Variants in FREM3 observed in about 807,000 individuals in gnomAD.
The protein encoded by FREM3 is FRAS1-related extracellular matrix protein 3.
FREM3 carries 105 observed loss-of-function variants against 129.1 expected under a neutral mutation model. The ratio of observed to expected loss-of-function variants is 0.81; its 90% confidence interval spans 0.69 to 0.96. The LOEUF is 0.96. FREM3 is among the 40% of genes least tolerant of loss of function. The probability of loss-of-function intolerance (pLI) is 0.00; values close to 1 mark genes in which losing one functional copy is unlikely to be tolerated. For missense variants in FREM3, 2,593 were observed against 2,666.3 expected, an observed-to-expected ratio of 0.97 and a Z score of 0.61; for synonymous variants, 1,014 against 1,044.9, an observed-to-expected ratio of 0.97 and a Z score of 0.57.
intron 7 of FREM3, among the ~76,000 whole-genome samples, chr4:143,580,994 G>A (rs533457022): frequency 6.6e-6 from 1 of 152,266 alleles, no homozygotes; most frequent in Admixed American, 6.5e-5. Flanking sequence ...CACTTCCTTG[G>A]GACAGAGCTC....
At chr4:143,613,796 C>T (rs1738799537) in intron 5 of FREM3, among the ~76,000 whole-genome samples, 1 of 152,174 alleles carries the variant, frequency 6.6e-6, no homozygotes. Context: ...TGCATGTTAA[C>T]TCCTCAGGAC....
In FREM3 at chr4:143,577,386, A is replaced by G. The variant is rs1738057084; in HGVS notation, c.*225T>C. 1 of 512,400 alleles carries G rather than the reference A, an allele frequency of 2.0e-6. No homozygotes were observed. Among genetic ancestry groups the G allele is most frequent in the Non-Finnish European group, 3.4e-6 (1 of 295,326 alleles). 31.7% of individuals were successfully genotyped at this position (512,400 alleles called of 1,614,324 possible). ...ACAAAGTAAAACAAAATAGAAAAAG[A>G]ACATGAACACAGTCTAATTATTTGT... On this transcript the variant is annotated 3_prime_UTR_variant, in exon 8 of 8. Coordinates refer to ENST00000329798, the MANE Select transcript of FREM3 (RefSeq NM_001168235.2).
rs541104636 is a variant in FREM3 at position 143,699,265 on chromosome 4, C to T, written c.1411G>A (p.Ala471Thr). The change falls in exon 1 of 8, where the codon GCT becomes ACT. Residue 471 changes from alanine (A) to threonine (T), a missense_variant. Physicochemically the swap from Ala to Thr is moderately conservative, Grantham distance 58. Coordinates refer to ENST00000329798, the MANE Select transcript of FREM3 (RefSeq NM_001168235.2). This position sits in a 1 kb window ranked among gnomAD's most constrained non-coding sequence, Gnocchi z 4.2. ...CCATGTCTCAAGCCCCTGACTGCAG[C>T]CATTTTCACCTCTTCCAGGTTATCT... The part of the protein sequence containing the change: ...DKDNLEEVKM[A>T]AVRGLRHGQL... 11 of 1,537,292 alleles carry T rather than the reference C, an allele frequency of 7.2e-6. No homozygotes were observed. In the South Asian group the frequency reaches 8.3e-5, roughly 12 times the overall value.
rs371512329 is a variant in FREM3 at position 143,698,598 on chromosome 4, A to G, written c.2078T>C (p.Ile693Thr). 3 of 1,537,676 alleles carry G rather than the reference A, an allele frequency of 2.0e-6. No homozygotes were observed. Among genetic ancestry groups the G allele is most frequent in the Non-Finnish European group, 2.6e-6 (3 of 1,147,032 alleles). ...PNLSKQHIFT[I>T]KVQPVDILSP... is the part of the protein sequence containing the mutation. ...CAGTATATCCACTGGTTGGACCTTG[A>G]TGGTGAAAATGTGCTGTTTGGAGAG... The change falls in exon 1 of 8, where the codon ATC becomes ACC. Residue 693 changes from isoleucine (I) to threonine (T), a missense_variant. Physicochemically the swap from Ile to Thr is moderately conservative, Grantham distance 89. Around this residue, in one of 2 missense-constraint regions of FREM3, gnomAD observed 2,276 missense variants for 2,267.2 expected, o/e 1.00. Coordinates refer to ENST00000329798, the MANE Select transcript of FREM3 (RefSeq NM_001168235.2).
intron 6 of FREM3, among the ~76,000 whole-genome samples, chr4:143,589,337 T>A (rs1393558840): frequency 6.6e-6 from 1 of 152,230 alleles, no homozygotes; most frequent in Non-Finnish European, 1.5e-5. Flanking sequence ...CTGAATGGTA[T>A]TGCCTAGGTT....
chr4:143,636,908 T>C (rs776628744), intron 2 of FREM3, among the ~76,000 whole-genome samples: 10 of 152,180 alleles, frequency 6.6e-5, no homozygotes, highest in Non-Finnish European at 1.5e-4. Context: ...GGAAAAAATT[T>C]TAGTTGACTA....
In FREM3 at chr4:143,577,307, T is replaced by C; in HGVS notation, c.*304A>G. 2 of 450,900 alleles carry C rather than the reference T, an allele frequency of 4.4e-6. No homozygotes were observed. The highest frequency in any genetic ancestry group is 7.8e-6 in the Non-Finnish European group (2 of 257,442). 27.9% of individuals were successfully genotyped at this position (450,900 alleles called of 1,614,324 possible). A position where few individuals can be genotyped will look rare whatever the true frequency, so the allele number is the denominator to read the frequency against. On this transcript the variant is annotated 3_prime_UTR_variant, in exon 8 of 8. Transcript: ENST00000329798. ...AATCAGTAAAGAGAGGTTAATTCTT[T>C]GATCTTAACTTTTGATTTAATTGAT...
chr4:143,679,346 G>A (rs1209076396), intron 2 of FREM3, among the ~76,000 whole-genome samples: 3 of 152,090 alleles, frequency 2.0e-5, no homozygotes, highest in Non-Finnish European at 4.4e-5. Context: ...TTCAATCTTG[G>A]ATGGTGTGAA....
intron 6 of FREM3, among the ~76,000 whole-genome samples, chr4:143,597,531 C>G (rs560978097): frequency 6.6e-6 from 1 of 152,280 alleles, no homozygotes; most frequent in African/African-American, 2.4e-5. Flanking sequence ...TTTCTCAGAA[C>G]TGTTTTGGCT....
At chr4:143,618,719 A>C (rs1738897533) in intron 5 of FREM3, among the ~76,000 whole-genome samples, 1 of 152,184 alleles carries the variant, frequency 6.6e-6, no homozygotes, top group African/African-American at 2.4e-5. Context: ...CATAGTGAGA[A>C]CTTCGTCTCT....
chr4:143,598,748 A>G (rs1335199181), intron 6 of FREM3, among the ~76,000 whole-genome samples: 1 of 152,160 alleles, frequency 6.6e-6, no homozygotes, highest in Non-Finnish European at 1.5e-5. Flanking sequence ...TTTTTATTAT[A>G]CCTTTTCTAT....
chr4:143,656,387 T>C (rs1739601432), intron 2 of FREM3, among the ~76,000 whole-genome samples: 1 of 152,152 alleles, frequency 6.6e-6, no homozygotes, highest in Non-Finnish European at 1.5e-5. Flanking sequence ...CTATTCACAA[T>C]AGCCCCAAAA....
At chr4:143,597,255 A>G (rs1236439786) in intron 6 of FREM3, among the ~76,000 whole-genome samples, 1 of 152,224 alleles carries the variant, frequency 6.6e-6, no homozygotes, top group Non-Finnish European at 1.5e-5. Flanking sequence ...AGTGGTGACA[A>G]TGTCAAACGC....
At chr4:143,588,232 C>G (rs993539151) in intron 6 of FREM3, among the ~76,000 whole-genome samples, 1 of 152,000 alleles carries the variant, frequency 6.6e-6, no homozygotes, top group African/African-American at 2.4e-5. Context: ...TTCTAACATG[C>G]TATCCTGTGT....
rs767099963 is a variant in FREM3 at position 143,700,618 on chromosome 4, C to T, written c.58G>A (p.Ala20Thr). 1 of 1,451,952 alleles carries T rather than the reference C, an allele frequency of 6.9e-7. No individual in the cohort carries two copies. Among genetic ancestry groups the T allele is most frequent in the African/African-American group, 1.4e-5 (1 of 70,008 alleles). 89.9% of individuals were successfully genotyped at this position (1,451,952 alleles called of 1,614,324 possible). The change falls in exon 1 of 8, where the codon GCC becomes ACC. Residue 20 changes from alanine to threonine, a missense_variant. This residue lies in a region of FREM3 where 2,276 missense variants were observed against 2,267.2 expected (regional missense o/e 1.00). Coordinates refer to ENST00000329798, the MANE Select transcript of FREM3 (RefSeq NM_001168235.2). ...GCGGGGCGACTCAAGAGCAGGCAGG[C>T]GAGCGCCACAAGGAGCTGCCGGGGC... Reference protein sequence around the residue: ...GTPRQLLVALACLLLSRPALQ... With the variant: ...GTPRQLLVALTCLLLSRPALQ...
At chr4:143,638,460 C>T (rs547111855) in intron 2 of FREM3, among the ~76,000 whole-genome samples, 33 of 151,968 alleles carry the variant, frequency 2.2e-4, no homozygotes, top group African/African-American at 7.7e-4. Flanking sequence ...CTCTTTATTC[C>T]AGAGAAAACA....
intron 5 of FREM3, among the ~76,000 whole-genome samples, chr4:143,619,263 C>T (rs189974933): frequency 5.1e-4 from 78 of 152,312 alleles, no homozygotes; most frequent in African/African-American, 1.8e-3. Flanking sequence ...AATTACCTCA[C>T]CTTTCCTACT....
intron 6 of FREM3, among the ~76,000 whole-genome samples, chr4:143,590,608 A>C (rs1578823831): frequency 6.6e-6 from 1 of 152,204 alleles, no homozygotes; most frequent in South Asian, 2.1e-4. Flanking sequence ...ATGGTGGATA[A>C]GCTTTTTGAT....
rs538424131 is a variant in FREM3 at position 143,698,528 on chromosome 4, T to C, written c.2148A>G (p.Gln716=). 6.5e-7 allele frequency: 1 copy of C among 1,537,696 alleles called. No homozygotes were observed. Among genetic ancestry groups the C allele is most frequent in the East Asian group, 2.4e-5 (1 of 40,928 alleles). ...TCTGGAAGTGAGTGAGTTGGTATTC[T>C]TGTACAGTCATTTCTAGTGTAGTTC... ...YPGTTLEMTV[Q]EYQLTHFQKN... The change falls in exon 1 of 8, where the codon CAA becomes CAG. Residue 716 remains glutamine, a synonymous_variant. Transcript: ENST00000329798.
Sources: gnomAD v4.1 joint callset for allele counts (sites outside exome capture counted in the v4.1 genomes callset) on GRCh38, gnomAD v4.1.1 for gene constraint, gnomAD v4.1.1 regional missense constraint, Gnocchi (gnomAD v3.1) non-coding constraint, MANE v1.5 for transcripts, NCBI Gene and HGNC (gene_info 2026-07-23, HGNC 2026-07-21) for gene names.